The following SLC67A2 variants were observed in gnomAD, a reference collection of about 807,000 sequenced individuals.
SLC67A2 encodes the protein solute carrier family 67 member A2.
the SLC67A2 span, among the ~76,000 whole-genome samples, chr2:102,723,501 C>G: frequency 6.6e-6 from 1 of 152,112 alleles, no homozygotes; most frequent in Admixed American, 6.5e-5. Flanking sequence ...AAAGAGAACT[C>G]TGGCACACTG....
the SLC67A2 span, among the ~76,000 whole-genome samples, chr2:102,734,028 T>C: frequency 6.6e-6 from 1 of 152,196 alleles, no homozygotes. Context: ...GCAACTCCTT[T>C]CTGCTTCTCA....
the SLC67A2 span, among the ~76,000 whole-genome samples, chr2:102,715,252 C>T: frequency 6.6e-6 from 1 of 152,308 alleles, no homozygotes; most frequent in East Asian, 1.9e-4. Flanking sequence ...CCGTCATTCC[C>T]CTTCATCCGT....
At chr2:102,721,687 GTGTGTGTC>G in the SLC67A2 span, among the ~76,000 whole-genome samples, 1 of 151,420 alleles carries the variant, frequency 6.6e-6, no homozygotes, top group African/African-American at 2.4e-5. Context: ...GTGTGTCTGT[GTGTGTGTC>G]TGTATGTATA....
the SLC67A2 span, among the ~76,000 whole-genome samples, chr2:102,731,756 A>G: frequency 2.6e-5 from 4 of 152,322 alleles, no homozygotes; most frequent in Admixed American, 6.5e-5. Flanking sequence ...AGTCTCAACA[A>G]TTTCCCATTA....
the SLC67A2 span, among the ~76,000 whole-genome samples, chr2:102,734,561 T>C: frequency 6.6e-6 from 1 of 152,140 alleles, no homozygotes; most frequent in African/African-American, 2.4e-5. Context: ...AACTAAATTA[T>C]GTATAATGTT....
chr2:102,720,145 T>G, the SLC67A2 span, among the ~76,000 whole-genome samples: 10 of 152,188 alleles, frequency 6.6e-5, no homozygotes, highest in African/African-American at 2.4e-4. Flanking sequence ...AAAGAGCACT[T>G]AAAAGTTCAA....
chr2:102,731,883 G>T, the SLC67A2 span: 2,749 of 306,872 alleles, frequency 9.0e-3, 81 homozygotes, highest in African/African-American at 0.057. Context: ...ATGTGTTGGT[G>T]ACGGTGTGAG....
the SLC67A2 span, among the ~76,000 whole-genome samples, chr2:102,723,341 T>C: frequency 6.6e-6 from 1 of 152,140 alleles, no homozygotes; most frequent in Non-Finnish European, 1.5e-5. Context: ...TGGTGGCATA[T>C]GCCTGTAATC....
the SLC67A2 span, among the ~76,000 whole-genome samples, chr2:102,719,389 A>G: frequency 6.6e-6 from 1 of 152,138 alleles, no homozygotes; most frequent in African/African-American, 2.4e-5. Flanking sequence ...TGACATCAGG[A>G]TTCTGGCAAA....
At chr2:102,734,166 G>T in the SLC67A2 span, among the ~76,000 whole-genome samples, 1 of 152,188 alleles carries the variant, frequency 6.6e-6, no homozygotes, top group Non-Finnish European at 1.5e-5. Context: ...AATAAAAATT[G>T]ATGAATATGT....
the SLC67A2 span, chr2:102,732,442 T>A: frequency 6.5e-7 from 1 of 1,537,330 alleles, no homozygotes. Context: ...GGACTCAAAT[T>A]AGTATTTTTC....
At chr2:102,723,563 T>C in the SLC67A2 span, 1 of 775,014 alleles carries the variant, frequency 1.3e-6, no homozygotes, top group African/African-American at 1.8e-5. Context: ...CTAGGGGGGG[T>C]TCCTCAAAAT....
the SLC67A2 span, among the ~76,000 whole-genome samples, chr2:102,735,833 GAC>G: frequency 9.9e-6 from 1 of 100,938 alleles, no homozygotes; most frequent in South Asian, 4.6e-4. Flanking sequence ...AGCAAACCAG[GAC>G]ACGCGCGCGC....
the SLC67A2 span, chr2:102,723,963 T>G: frequency 6.9e-7 from 1 of 1,446,182 alleles, no homozygotes; most frequent in Non-Finnish European, 9.7e-7. Context: ...ATAAGTATCT[T>G]ACTTATGATC....
At chr2:102,717,574 G>T in the SLC67A2 span, 1 of 152,372 alleles carries the variant, frequency 6.6e-6, no homozygotes, top group Non-Finnish European at 1.5e-5. Context: ...GCTCTCAGAG[G>T]CAGGGAGCAC....
the SLC67A2 span, chr2:102,718,718 G>A: frequency 6.2e-6 from 10 of 1,613,790 alleles, no homozygotes; most frequent in East Asian, 2.2e-5. Context: ...GAGGACAACT[G>A]CACCCATGGT....
the SLC67A2 span, chr2:102,723,683 C>T: frequency 6.2e-7 from 1 of 1,609,294 alleles, no homozygotes; most frequent in Admixed American, 1.7e-5. Context: ...ACAATCTTCT[C>T]ATGATTGTCA....
At chr2:102,722,254 A>G in the SLC67A2 span, among the ~76,000 whole-genome samples, 4 of 152,256 alleles carry the variant, frequency 2.6e-5, no homozygotes, top group Non-Finnish European at 4.4e-5. Context: ...ATGTGGGATG[A>G]ATGTGGCAGG....
At chr2:102,728,358 C>A in the SLC67A2 span, among the ~76,000 whole-genome samples, 1 of 152,150 alleles carries the variant, frequency 6.6e-6, no homozygotes, top group South Asian at 2.1e-4. Context: ...ATTCCTCACC[C>A]TCTCCACTAA....
Sources: gnomAD v4.1 joint callset for allele counts (sites outside exome capture counted in the v4.1 genomes callset) on GRCh38, gnomAD v4.1.1 for gene constraint, MANE v1.5 for transcripts, NCBI Gene and HGNC (gene_info 2026-07-23, HGNC 2026-07-21) for gene names.